The following PRELID2 variants were observed in gnomAD, a reference collection of about 807,000 sequenced individuals.
The protein encoded by PRELID2 is PRELI domain containing 2.
In PRELID2, 25 loss-of-function variants were observed where a neutral mutation model predicts 28.4. The observed-to-expected ratio is 0.88, with a 90% CI of 0.64 to 1.23. PRELID2 has a LOEUF of 1.23. PRELID2 is among the 50% of genes most tolerant of loss of function. The pLI is 0.00. For missense variants in PRELID2, 201 were observed against 214.4 expected (o/e 0.94, Z 0.39); for synonymous variants, 76 against 71.6 (o/e 1.06, Z -0.31).
the PRELID2 span, among the ~76,000 whole-genome samples, chr5:145,411,047 A>G: frequency 6.6e-6 from 1 of 152,138 alleles, no homozygotes; most frequent in Non-Finnish European, 1.5e-5. Context: ...TCTCCATGCA[A>G]GTGTGAACTC....
chr5:145,266,254 G>A, the PRELID2 span, among the ~76,000 whole-genome samples: 4 of 151,812 alleles, frequency 2.6e-5, no homozygotes, highest in East Asian at 7.7e-4. Flanking sequence ...AATGAGGAGG[G>A]GGATAATCCT....
At chr5:145,782,826 G>GA (rs1272315167) in intron 5 of PRELID2, among the ~76,000 whole-genome samples, 5 of 152,168 alleles carry the variant, frequency 3.3e-5, no homozygotes, top group Admixed American at 2.6e-4. Flanking sequence ...TTGTCAGACA[G>GA]AAAAATCTTG....
chr5:145,497,153 C>A (rs527895182), intron 1 of PRELID2, among the ~76,000 whole-genome samples: 2 of 152,266 alleles, frequency 1.3e-5, no homozygotes, highest in South Asian at 4.1e-4. Flanking sequence ...CATGAGCCAC[C>A]ATGCCCAGCT....
At chr5:145,253,387 C>G in the PRELID2 span, among the ~76,000 whole-genome samples, 19 of 152,054 alleles carry the variant, frequency 1.2e-4, no homozygotes, top group African/African-American at 4.6e-4. Flanking sequence ...AAGTATCAGA[C>G]CTATTTTATA....
chr5:145,643,053 AAAGTC>A (rs1754135054), intron 1 of PRELID2, among the ~76,000 whole-genome samples: 1 of 152,214 alleles, frequency 6.6e-6, no homozygotes, highest in African/African-American at 2.4e-5. Context: ...TTCTATGAAG[AAAGTC>A]AATGGTAGCT....
the PRELID2 span, among the ~76,000 whole-genome samples, chr5:145,377,093 G>A: frequency 6.6e-6 from 1 of 152,026 alleles, no homozygotes; most frequent in Non-Finnish European, 1.5e-5. Context: ...ATGTATATTT[G>A]TTGTCATTAG....
At chr5:145,298,298 C>A in the PRELID2 span, among the ~76,000 whole-genome samples, 1 of 152,036 alleles carries the variant, frequency 6.6e-6, no homozygotes. Flanking sequence ...CAGAACAGAG[C>A]CCTCAGAAAT....
At chr5:145,659,567 C>T (rs1754454447) in intron 1 of PRELID2, among the ~76,000 whole-genome samples, 1 of 152,166 alleles carries the variant, frequency 6.6e-6, no homozygotes, top group African/African-American at 2.4e-5. Flanking sequence ...AAGGACTCTC[C>T]TAGCTTAGAA....
At chr5:145,740,283 T>C (rs1275697464) in intron 1 of PRELID2, among the ~76,000 whole-genome samples, 11 of 69,022 alleles carry the variant, frequency 1.6e-4, no homozygotes, top group Non-Finnish European at 2.3e-4. Context: ...TATATATATA[T>C]ATATATATAT....
At chr5:145,797,986 A>T (rs1030632000) in intron 4 of PRELID2, among the ~76,000 whole-genome samples, 22 of 151,954 alleles carry the variant, frequency 1.4e-4, no homozygotes, top group Non-Finnish European at 1.9e-4. Context: ...AATAAAGCGC[A>T]AGAATAAAAT....
the PRELID2 span, among the ~76,000 whole-genome samples, chr5:145,278,961 ACCC>A: frequency 2.6e-5 from 4 of 152,216 alleles, no homozygotes; most frequent in South Asian, 8.3e-4. Flanking sequence ...GTTCTCTCTG[ACCC>A]CGAACAAAAA....
At chr5:145,246,115 A>G in the PRELID2 span, among the ~76,000 whole-genome samples, 3 of 152,018 alleles carry the variant, frequency 2.0e-5, no homozygotes, top group African/African-American at 7.2e-5. Context: ...TCGATTAACA[A>G]CAATAAACCT....
At chr5:145,506,128 A>G (rs1752408406) in intron 1 of PRELID2, among the ~76,000 whole-genome samples, 2 of 152,182 alleles carry the variant, frequency 1.3e-5, no homozygotes, top group Non-Finnish European at 2.9e-5. Flanking sequence ...CTACAATTAG[A>G]AAAATTAAAT....
At chr5:145,654,345 C>A (rs1444364997) in intron 1 of PRELID2, among the ~76,000 whole-genome samples, 1 of 152,164 alleles carries the variant, frequency 6.6e-6, no homozygotes, top group East Asian at 1.9e-4. Context: ...ACCATTACTT[C>A]TGAAAATATT....
At chr5:145,527,798 T>C (rs968651076) in intron 1 of PRELID2, among the ~76,000 whole-genome samples, 1 of 152,192 alleles carries the variant, frequency 6.6e-6, no homozygotes, top group African/African-American at 2.4e-5. Flanking sequence ...ACATACCTCA[T>C]GGGATTTCAT....
the PRELID2 span, among the ~76,000 whole-genome samples, chr5:145,424,533 G>A: frequency 0.012 from 1,788 of 152,304 alleles, 29 homozygotes; most frequent in African/African-American, 0.041. Context: ...CTTTGACTCA[G>A]AAAGGGAACT....
At chr5:145,810,892 T>C (rs955003634) in intron 4 of PRELID2, among the ~76,000 whole-genome samples, 2 of 151,986 alleles carry the variant, frequency 1.3e-5, no homozygotes, top group African/African-American at 2.4e-5. Flanking sequence ...AGAGGCAGAA[T>C]TCTTCTTTTT....
intron 1 of PRELID2, among the ~76,000 whole-genome samples, chr5:145,730,555 C>T (rs1756309615): frequency 6.6e-6 from 1 of 152,178 alleles, no homozygotes; most frequent in African/African-American, 2.4e-5. Context: ...AGTACAAAAG[C>T]AAGTTTGTTA....
chr5:145,674,752 G>A (rs1313469519), intron 1 of PRELID2, among the ~76,000 whole-genome samples: 1 of 152,084 alleles, frequency 6.6e-6, no homozygotes, highest in South Asian at 2.1e-4. Flanking sequence ...GAGACCAAAA[G>A]CCTGGCCAAT....
Sources: allele counts gnomAD v4.1 joint callset (sites outside exome capture counted in the v4.1 genomes callset), GRCh38; gene constraint gnomAD v4.1.1; transcripts MANE v1.5; gene names NCBI Gene and HGNC (gene_info 2026-07-23, HGNC 2026-07-21).